The following CSMD3 variants were observed in gnomAD, a reference collection of about 807,000 sequenced individuals.
CSMD3 encodes the protein CUB and Sushi multiple domains 3.
In CSMD3, 177 loss-of-function variants were observed where a neutral mutation model predicts 435.2. The ratio of observed to expected loss-of-function variants is 0.41; its 90% CI spans 0.36 to 0.46. The LOEUF (loss-of-function observed/expected upper bound fraction) is 0.46. Among genes scored for constraint, CSMD3 ranks in the 20% least tolerant of loss-of-function variants. The pLI, the probability that CSMD3 is intolerant of heterozygous loss-of-function variation, is 0.34. For missense variants in CSMD3, 4,265 were observed against 4,504.6 expected (o/e 0.95, Z 1.52); for synonymous variants, 1,656 against 1,520.5 (o/e 1.09, Z -2.07).
intron 13 of CSMD3, among the ~76,000 whole-genome samples, chr8:112,783,422 G>GAA: frequency 1.2e-5 from 1 of 83,718 alleles, no homozygotes; most frequent in African/African-American, 6.5e-5. Flanking sequence ...AGGAGGGAGG[G>GAA]AGGGAAGGAA....
intron 1 of CSMD3, among the ~76,000 whole-genome samples, chr8:113,385,941 C>T (rs1588641427): frequency 6.6e-6 from 1 of 151,858 alleles, no homozygotes; most frequent in African/African-American, 2.4e-5. Context: ...TATCTATTTA[C>T]GTGCATTAAA....
Position 112,223,212 on chromosome 8 carries a change from A to G in CSMD3, c.*1559T>C, listed in dbSNP as rs1812303698. On this transcript the variant is annotated 3_prime_UTR_variant, in exon 71 of 71. Transcript: ENST00000297405. Reference sequence around the variant, plus strand: ...AACTGCATCCTGCCAGTAGAGTACCATGTTGAGAAAATTGTATGAATTTCC... The same window carrying G: ...AACTGCATCCTGCCAGTAGAGTACCGTGTTGAGAAAATTGTATGAATTTCC... 1 of 392,222 alleles carries G rather than the reference A, an allele frequency of 2.5e-6. No homozygotes were observed. Among genetic ancestry groups the G allele is most frequent in the South Asian group, 1.4e-4 (1 of 7,334 alleles). The allele number at this position is 392,222 out of a possible 1,614,324, so 24.3% of individuals were successfully genotyped here.
At chr8:112,526,439 A>G (rs1333630491) in intron 27 of CSMD3, among the ~76,000 whole-genome samples, 5 of 151,772 alleles carry the variant, frequency 3.3e-5, no homozygotes, top group Non-Finnish European at 7.4e-5. Flanking sequence ...ACCCACAAAC[A>G]CACACCACTT....
intron 22 of CSMD3, among the ~76,000 whole-genome samples, chr8:112,627,741 G>T (rs1039986675): frequency 3.9e-5 from 6 of 152,032 alleles, no homozygotes; most frequent in African/African-American, 1.4e-4. Context: ...CCTCCCTATG[G>T]GTGAATCACC....
chr8:112,354,073 T>A (rs1743577038), intron 38 of CSMD3, among the ~76,000 whole-genome samples: 1 of 152,186 alleles, frequency 6.6e-6, no homozygotes, highest in Non-Finnish European at 1.5e-5. Context: ...ATTCACCATG[T>A]AAATAGAATT....
chr8:112,618,645 C>G (rs2131503720), intron 22 of CSMD3, among the ~76,000 whole-genome samples: 1 of 147,612 alleles, frequency 6.8e-6, no homozygotes, highest in Admixed American at 6.9e-5. Context: ...AGTATAGACA[C>G]AGACAATGTG....
At chr8:112,779,946 A>G (rs2078341415) in intron 13 of CSMD3, among the ~76,000 whole-genome samples, 1 of 152,116 alleles carries the variant, frequency 6.6e-6, no homozygotes, top group South Asian at 2.1e-4. Flanking sequence ...ATACCATTTT[A>G]CTAATATTTC....
chr8:112,353,157 G>A (rs1357698449), intron 38 of CSMD3, among the ~76,000 whole-genome samples: 1 of 152,306 alleles, frequency 6.6e-6, no homozygotes, highest in Non-Finnish European at 1.5e-5. Flanking sequence ...TTGGGGGGCT[G>A]AGGTGGGTGG....
At chr8:113,150,069 C>T (rs1002851313) in intron 4 of CSMD3, among the ~76,000 whole-genome samples, 1 of 151,658 alleles carries the variant, frequency 6.6e-6, no homozygotes, top group Admixed American at 6.6e-5. Context: ...AGTGGTGGCA[C>T]TGTAATAGGC....
chr8:112,960,097 A>T (rs1013690313), intron 7 of CSMD3, among the ~76,000 whole-genome samples: 14 of 151,826 alleles, frequency 9.2e-5, no homozygotes, highest in African/African-American at 3.4e-4. Context: ...TTATAAAATT[A>T]TTTAACTGTA....
chr8:112,926,660 A>G (rs1447543499), intron 9 of CSMD3, among the ~76,000 whole-genome samples: 2 of 152,138 alleles, frequency 1.3e-5, no homozygotes, highest in African/African-American at 2.4e-5. Context: ...CAAAATACAC[A>G]AATTTTACCT....
chr8:112,330,578 G>C (rs567868150), intron 45 of CSMD3, among the ~76,000 whole-genome samples: 112 of 152,108 alleles, frequency 7.4e-4, no homozygotes, highest in African/African-American at 2.6e-3. Context: ...AGTGCCCACA[G>C]GCACATTTTA....
intron 47 of CSMD3, among the ~76,000 whole-genome samples, chr8:112,317,599 T>G (rs1261262778): frequency 6.6e-6 from 1 of 152,028 alleles, no homozygotes; most frequent in Non-Finnish European, 1.5e-5. Context: ...GAATGACATC[T>G]AAATGTCTGG....
chr8:113,132,743 C>T (rs1169210868), intron 4 of CSMD3, among the ~76,000 whole-genome samples: 2 of 152,090 alleles, frequency 1.3e-5, no homozygotes, highest in Non-Finnish European at 2.9e-5. Context: ...ATGCAAGACA[C>T]ATTTTGGAAA....
At chr8:113,182,036 C>T (rs1004202666) in intron 3 of CSMD3, among the ~76,000 whole-genome samples, 1 of 151,924 alleles carries the variant, frequency 6.6e-6, no homozygotes, top group African/African-American at 2.4e-5. Context: ...GCAGTTAATC[C>T]ATCACCAAAT....
intron 1 of CSMD3, among the ~76,000 whole-genome samples, chr8:113,366,412 G>C (rs1377190801): frequency 6.6e-6 from 1 of 151,924 alleles, no homozygotes; most frequent in Non-Finnish European, 1.5e-5. Context: ...AAAAATACCA[G>C]AAATATCATG....
intron 1 of CSMD3, among the ~76,000 whole-genome samples, chr8:113,424,027 A>T (rs1482349492): frequency 6.6e-6 from 1 of 151,872 alleles, no homozygotes; most frequent in African/African-American, 2.4e-5. Flanking sequence ...CTTACACAAT[A>T]AGTAATTATT....
chr8:112,752,208 C>CTATATA (rs1466596162), intron 13 of CSMD3, among the ~76,000 whole-genome samples: 1 of 152,150 alleles, frequency 6.6e-6, no homozygotes, highest in Non-Finnish European at 1.5e-5. Context: ...TTCCAGGACA[C>CTATATA]TATACTCTGT....
chr8:112,241,843 C>T (rs747441129), intron 65 of CSMD3, 58 bp from the exon 66 acceptor site: 120 of 299,724 alleles, frequency 4.0e-4, no homozygotes, highest in Non-Finnish European at 5.6e-4. Context: ...CATACACATG[C>T]GCACACACAC....
Sources: gnomAD v4.1 joint callset for allele counts (sites outside exome capture counted in the v4.1 genomes callset) on GRCh38, gnomAD v4.1.1 for gene constraint, MANE v1.5 for transcripts, NCBI Gene and HGNC (gene_info 2026-07-23, HGNC 2026-07-21) for gene names.